PCDHGA1: variants seen among roughly 807,000 people sequenced by gnomAD.
PCDHGA1 encodes the protein protocadherin gamma-A1.
PCDHGA1 carries 32 observed loss-of-function variants against 58.0 expected under a neutral mutation model. The ratio of observed to expected loss-of-function variants is 0.55; its 90% CI spans 0.42 to 0.74. PCDHGA1 has a LOEUF of 0.74. Among genes scored for constraint, PCDHGA1 ranks in the 30% least tolerant of loss-of-function variants. The pLI, the probability that PCDHGA1 is intolerant of heterozygous loss-of-function variation, is 0.00. For synonymous variants in PCDHGA1, 498 were observed against 501.1 expected (o/e 0.99, Z 0.08); for missense variants, 1,205 against 1,182.3 (o/e 1.02, Z -0.28).
intron 1 of PCDHGA1, chr5:141,399,810 C>A (rs148150333): frequency 2.5e-6 from 4 of 1,613,076 alleles, no homozygotes; most frequent in Middle Eastern, 1.7e-4. Flanking sequence ...TGCTGTACCC[C>A]GCGCTGGGTC....
At position 141,487,144 on chromosome 5, in the gene PCDHGA1, C is replaced by T. The variant is rs2099640304; in HGVS notation, c.2422-7663C>T. The T allele has an allele frequency of 6.2e-7, 1 of 1,614,032 alleles. No homozygotes were observed. Among genetic ancestry groups the T allele is most frequent in the African/African-American group, 1.3e-5 (1 of 75,056 alleles). On this transcript the variant is annotated intron_variant, in intron 1 of 3. Coordinates refer to ENST00000517417, the MANE Select transcript of PCDHGA1 (RefSeq NM_018912.3). This position sits in a 1 kb window ranked among gnomAD's most constrained non-coding sequence, Gnocchi z 5.0. ...ATAGTGGTAGTCCACCACTCTCTAC[C>T]TCTGTTACTCTCTTAGTGTCCTTAG...
intron 1 of PCDHGA1, chr5:141,421,253 A>G: frequency 6.2e-7 from 1 of 1,607,298 alleles, no homozygotes; most frequent in South Asian, 1.1e-5. Context: ...CAGCGCGGGG[A>G]CCGCAGTCGG....
chr5:141,419,420 G>C (rs774685112), intron 1 of PCDHGA1: 10 of 1,613,372 alleles, frequency 6.2e-6, no homozygotes, highest in Non-Finnish European at 7.6e-6. Flanking sequence ...GCGCGCCTTC[G>C]ACCACGAGCA....
rs774071540 is a variant in PCDHGA1, at chr5:141,511,042, G to A, written c.2665G>A (p.Asp889Asn). 8 of 1,614,064 alleles carry A rather than the reference G, an allele frequency of 5.0e-6. No homozygotes were observed. Among genetic ancestry groups the A allele is most frequent in the Non-Finnish European group, 6.8e-6 (8 of 1,180,016 alleles). Residue 889 changes from aspartate to asparagine, a missense_variant, in exon 4 of 4, where the codon GAC becomes AAC. Physicochemically the swap from Asp to Asn is conservative, Grantham distance 23. Coordinates refer to ENST00000517417, the MANE Select transcript of PCDHGA1 (RefSeq NM_018912.3). Reference sequence around the variant, plus strand: ...CCAGTTCACCCTGCAGCACGTGCCCGACTACCGCCAGAATGTCTACATCCC... The same window carrying A: ...CCAGTTCACCCTGCAGCACGTGCCCAACTACCGCCAGAATGTCTACATCCC... ...GPQFTLQHVPDYRQNVYIPGS... is the reference protein window; with the variant it reads ...GPQFTLQHVPNYRQNVYIPGS...
chr5:141,339,673 T>C (rs751476643), intron 1 of PCDHGA1: 1 of 1,614,202 alleles, frequency 6.2e-7, no homozygotes, highest in Non-Finnish European at 8.5e-7. Flanking sequence ...AGGTCCTGGA[T>C]GCGAACGACA....
chr5:141,344,954 A>G (rs768825990), intron 1 of PCDHGA1: 4 of 1,613,842 alleles, frequency 2.5e-6, no homozygotes, highest in Non-Finnish European at 3.4e-6. Context: ...TAAAAAGTCT[A>G]GATTATGAGG....
chr5:141,376,168 G>A (rs757765992), intron 1 of PCDHGA1: 64 of 1,613,990 alleles, frequency 4.0e-5, no homozygotes, highest in East Asian at 2.2e-4. Flanking sequence ...ACCTGGTGGT[G>A]GCGGTGGCCG....
chr5:141,390,591 T>G, intron 1 of PCDHGA1: 1 of 333,500 alleles, frequency 3.0e-6, no homozygotes, highest in Non-Finnish European at 5.4e-6. Flanking sequence ...TGAATGAGAT[T>G]TTTCCTATAC....
chr5:141,421,328 A>G (rs1355932974), intron 1 of PCDHGA1: 1 of 1,613,902 alleles, frequency 6.2e-7, no homozygotes. Flanking sequence ...CAGATCCGAT[A>G]TTCGGTGCCA....
intron 1 of PCDHGA1, among the ~76,000 whole-genome samples, chr5:141,483,340 C>T (rs906468552): frequency 5.9e-5 from 9 of 152,036 alleles, no homozygotes; most frequent in Non-Finnish European, 1.2e-4. Flanking sequence ...GATCTTATCT[C>T]TTTGCAATAG....
intron 1 of PCDHGA1, chr5:141,339,181 T>A: frequency 6.2e-7 from 1 of 1,614,006 alleles, no homozygotes; most frequent in Non-Finnish European, 8.5e-7. Flanking sequence ...TCTCCAGAGG[T>A]AGGTCCCAGC....
chr5:141,441,923 C>A, intron 1 of PCDHGA1: 2 of 351,136 alleles, frequency 5.7e-6, no homozygotes, highest in Non-Finnish European at 5.5e-6. Context: ...AGACACAATG[C>A]GTGGCTGTCC....
At position 141,366,680 on chromosome 5, in the gene PCDHGA1, A is replaced by T. The variant is rs747876337; in HGVS notation, c.2421+33575A>T. Reference sequence around the variant, plus strand: ...CGCAGACACGCTCCTTAGTGAAGAGAGCTGTGAGAAAAGCGAGCCTCTTCT... The same window carrying T: ...CGCAGACACGCTCCTTAGTGAAGAGTGCTGTGAGAAAAGCGAGCCTCTTCT... On this transcript the variant is annotated intron_variant, in intron 1 of 3. Transcript: ENST00000517417. 1.3e-5 allele frequency: 21 copies of T among 1,614,096 alleles called. No individual in the cohort carries two copies. The East Asian group carries it at 4.2e-4, about 33-fold the overall frequency.
At chr5:141,508,123 G>A (rs989767852) in intron 3 of PCDHGA1, 1 of 152,616 alleles carries the variant, frequency 6.6e-6, no homozygotes, top group Non-Finnish European at 1.5e-5. Context: ...GAGGACAGAG[G>A]GAGGTCAGGG....
rs1407016089 is a variant in PCDHGA1 at position 141,489,914 on chromosome 5, C to T, written c.2422-4893C>T. On this transcript the variant is annotated intron_variant, in intron 1 of 3. Coordinates refer to ENST00000517417, the MANE Select transcript of PCDHGA1 (RefSeq NM_018912.3). The surrounding 1 kb of genome is among the most constrained non-coding windows in gnomAD (Gnocchi z 4.5). Reference sequence around the variant, plus strand: ...GGGGGGACCCCAGCCCGCTCAGGGACCACCCTTATCTCTGTCATCGTGCTG... The same window carrying T: ...GGGGGGACCCCAGCCCGCTCAGGGATCACCCTTATCTCTGTCATCGTGCTG... 3 of 1,614,094 alleles carry T rather than the reference C, an allele frequency of 1.9e-6. No individual in the cohort carries two copies. Among genetic ancestry groups the T allele is most frequent in the African/African-American group, 2.7e-5 (2 of 74,936 alleles).
Position 141,351,019 on chromosome 5 carries a change from G to T in PCDHGA1, c.2421+17914G>T, listed in dbSNP as rs777583740. The T allele has an allele frequency of 8.1e-6, 13 of 1,613,954 alleles. No homozygotes were observed. The Admixed American group carries it at 1.2e-4, about 14-fold the overall frequency. ...GGGTTAGCCTCCAAGAAAACGTACC[G>T]TGGGGAACCTCCGTGCTGCGGGTGA... On this transcript the variant is annotated intron_variant, in intron 1 of 3. Coordinates refer to ENST00000517417, the MANE Select transcript of PCDHGA1 (RefSeq NM_018912.3).
intron 1 of PCDHGA1, among the ~76,000 whole-genome samples, chr5:141,453,322 G>A (rs897661534): frequency 6.6e-6 from 1 of 151,544 alleles, no homozygotes; most frequent in Non-Finnish European, 1.5e-5. Flanking sequence ...TTTTAGAGAT[G>A]GGGTCTCACT....
In PCDHGA1 at chr5:141,487,801, A is replaced by G. The variant is rs895741843; in HGVS notation, c.2422-7006A>G. The G allele has an allele frequency of 1.0e-5, 15 of 1,479,820 alleles. No individual in the cohort carries two copies. The highest frequency in any genetic ancestry group is 2.7e-6 in the Non-Finnish European group (3 of 1,095,672). The allele number at this position is 1,479,820 out of a possible 1,614,324, so 91.7% of individuals were successfully genotyped here. On this transcript the variant is annotated intron_variant, in intron 1 of 3. Coordinates refer to ENST00000517417, the MANE Select transcript of PCDHGA1 (RefSeq NM_018912.3). The surrounding 1 kb of genome is among the most constrained non-coding windows in gnomAD (Gnocchi z 5.0). ...GTTTCGTGAATTAACCAGAGTTGTC[A>G]CAGTTTAGCATTGGGGGCGGGTCAT... is the stretch of plus-strand genomic sequence containing the variant.
At chr5:141,419,371 C>T (rs751971270) in intron 1 of PCDHGA1, 4 of 1,613,662 alleles carry the variant, frequency 2.5e-6, no homozygotes, top group Non-Finnish European at 8.5e-7. Flanking sequence ...TGTCGTCCTA[C>T]GTGTCCGTGA....
Sources: gnomAD v4.1 joint callset for allele counts (sites outside exome capture counted in the v4.1 genomes callset) on GRCh38, gnomAD v4.1.1 for gene constraint, Gnocchi (gnomAD v3.1) non-coding constraint, MANE v1.5 for transcripts, NCBI Gene and HGNC (gene_info 2026-07-23, HGNC 2026-07-21) for gene names.